Variants in HNRNPLL observed in about 807,000 individuals in gnomAD.
The protein encoded by HNRNPLL is heterogeneous nuclear ribonucleoprotein L-like.
In HNRNPLL, 25 loss-of-function variants were observed where a neutral mutation model predicts 67.1. The observed-to-expected ratio is 0.37, with a 90% CI of 0.27 to 0.52. The LOEUF is 0.52. Ranked by LOEUF, HNRNPLL falls within the 20% of genes least tolerant of loss-of-function variation. The pLI is 0.90. For missense variants in HNRNPLL, 542 were observed against 673.9 expected (o/e 0.80, Z 2.17); for synonymous variants, 267 against 241.7 (o/e 1.10, Z -0.97).
At chr2:38,579,412 T>A (rs1395987993) in intron 6 of HNRNPLL, among the ~76,000 whole-genome samples, 4 of 151,628 alleles carry the variant, frequency 2.6e-5, no homozygotes, top group Admixed American at 2.6e-4. Flanking sequence ...AGTATAATAA[T>A]AATAAAATAA....
chr2:38,577,782 C>G, intron 6 of HNRNPLL: 2 of 500,386 alleles, frequency 4.0e-6, no homozygotes, highest in South Asian at 4.1e-5. Flanking sequence ...TACAATCACA[C>G]TTTCAAATTT....
intron 1 of HNRNPLL, among the ~76,000 whole-genome samples, chr2:38,597,287 C>G (rs186783967): frequency 6.6e-6 from 1 of 152,312 alleles, no homozygotes; most frequent in East Asian, 1.9e-4. Context: ...GGCGAAATAT[C>G]CTCCAGGTTC....
In HNRNPLL at chr2:38,602,561, G is replaced by A. The variant is rs770205687; in HGVS notation, c.66C>T (p.Ala22=). Reference sequence around the variant, plus strand: ...CCCCCTCCTCGGTCTTGAGACGCTTGGCCTGGCTCTCGTACTCCCGGTCCT... The same window carrying A: ...CCCCCTCCTCGGTCTTGAGACGCTTAGCCTGGCTCTCGTACTCCCGGTCCT... The part of the protein sequence containing the change: ...YEEDREYESQ[A]KRLKTEEGEI... Residue 22 remains alanine, a synonymous_variant, in exon 1 of 13, where the codon GCC becomes GCT. Transcript: ENST00000449105. The A allele has an allele frequency of 1.5e-5, 24 of 1,570,782 alleles. No homozygotes were observed. Among genetic ancestry groups the A allele is most frequent in the Non-Finnish European group, 1.4e-5 (16 of 1,159,226 alleles).
At chr2:38,592,764 G>A (rs12996029) in intron 1 of HNRNPLL, among the ~76,000 whole-genome samples, 18,611 of 152,156 alleles carry the variant, frequency 0.12, 1,225 homozygotes, top group African/African-American at 0.13. Context: ...CTCTTGCATC[G>A]TAACTTCAGA....
At chr2:38,596,567 T>C (rs1377981927) in intron 1 of HNRNPLL, among the ~76,000 whole-genome samples, 4 of 152,176 alleles carry the variant, frequency 2.6e-5, no homozygotes, top group African/African-American at 9.7e-5. Flanking sequence ...CTGTAGAGAT[T>C]ATTTTACCTA....
intron 1 of HNRNPLL, among the ~76,000 whole-genome samples, chr2:38,593,904 G>T (rs1354985940): frequency 2.0e-5 from 3 of 148,728 alleles, no homozygotes; most frequent in Admixed American, 1.4e-4. Flanking sequence ...GCCGGGCACA[G>T]TGGCTTACGC....
rs895408164 is a variant in HNRNPLL, at chr2:38,562,537, A to G, written c.*1645T>C. 3 of 152,148 alleles carry G rather than the reference A, an allele frequency of 2.0e-5. No individual in the cohort carries two copies. Among genetic ancestry groups the G allele is most frequent in the African/African-American group, 7.2e-5 (3 of 41,456 alleles). The allele number at this position is 152,148 out of a possible 1,614,324, so 9.4% of individuals were successfully genotyped here. A position where few individuals can be genotyped will look rare whatever the true frequency, so the allele number is the denominator to read the frequency against. ...CAAAATTAAGGTATTTCAATTTTTC[A>G]AAAGAGGTAGAAAAGTATTTATAGG... On this transcript the variant is annotated 3_prime_UTR_variant, in exon 13 of 13. Coordinates refer to ENST00000449105, the MANE Select transcript of HNRNPLL (RefSeq NM_138394.4).
chr2:38,583,992 G>C (rs566890742), intron 3 of HNRNPLL, 66 bp from the exon 4 acceptor site: 2 of 635,996 alleles, frequency 3.1e-6, no homozygotes, highest in Middle Eastern at 3.7e-4. Flanking sequence ...GCTATACTTC[G>C]TTTTGTTTTA....
At chr2:38,588,922 A>C (rs983170813) in intron 2 of HNRNPLL, among the ~76,000 whole-genome samples, 5 of 152,176 alleles carry the variant, frequency 3.3e-5, no homozygotes, top group African/African-American at 4.8e-5. Flanking sequence ...AAAAAAGCTA[A>C]GGGACATGGT....
intron 7 of HNRNPLL, among the ~76,000 whole-genome samples, chr2:38,574,229 G>A (rs954298892): frequency 2.6e-5 from 4 of 151,812 alleles, no homozygotes; most frequent in African/African-American, 7.2e-5. Flanking sequence ...TAAAGCTAGA[G>A]TGTAGAATGA....
chr2:38,567,879 T>C (rs1191908233), intron 12 of HNRNPLL, among the ~76,000 whole-genome samples: 1 of 152,092 alleles, frequency 6.6e-6, no homozygotes, highest in African/African-American at 2.4e-5. Context: ...AGCCCTGAGA[T>C]TACTGCAGAC....
At chr2:38,587,201 C>G (rs1239050058) in intron 2 of HNRNPLL, among the ~76,000 whole-genome samples, 5 of 152,160 alleles carry the variant, frequency 3.3e-5, no homozygotes, top group Non-Finnish European at 7.4e-5. Flanking sequence ...AAGAAAGAAA[C>G]AGATCACCTT....
chr2:38,597,452 A>G (rs1667240822), intron 1 of HNRNPLL, among the ~76,000 whole-genome samples: 2 of 152,350 alleles, frequency 1.3e-5, no homozygotes, highest in South Asian at 4.1e-4. Context: ...CTTAATATAG[A>G]ACAAAGGACA....
intron 2 of HNRNPLL, among the ~76,000 whole-genome samples, chr2:38,587,451 T>G (rs2148368821): frequency 6.6e-6 from 1 of 152,290 alleles, no homozygotes; most frequent in African/African-American, 2.4e-5. Context: ...TCTAGGGGAC[T>G]TATTAGTTTT....
intron 12 of HNRNPLL, chr2:38,565,985 T>C (rs1177801018): frequency 1.1e-6 from 1 of 947,598 alleles, no homozygotes. Flanking sequence ...TTTCTCTTTT[T>C]TAAACCATCA....
chr2:38,578,254 AT>A (rs1016905060), intron 6 of HNRNPLL, among the ~76,000 whole-genome samples: 3 of 152,050 alleles, frequency 2.0e-5, no homozygotes, highest in African/African-American at 4.8e-5. Flanking sequence ...CTAAAGGATA[AT>A]TTTTATTCTA....
chr2:38,574,446 C>G (rs1666220212), intron 7 of HNRNPLL, among the ~76,000 whole-genome samples: 1 of 151,836 alleles, frequency 6.6e-6, no homozygotes, highest in African/African-American at 2.4e-5. Flanking sequence ...ATGTGCAAAA[C>G]CAATCCAAAA....
intron 6 of HNRNPLL, among the ~76,000 whole-genome samples, chr2:38,577,766 G>A (rs571282744): frequency 4.6e-5 from 7 of 152,010 alleles, no homozygotes; most frequent in Non-Finnish European, 1.0e-4. Flanking sequence ...TTTGGCAAAT[G>A]CCAAATACAA....
chr2:38,567,057 G>A (rs1367361555), intron 12 of HNRNPLL, among the ~76,000 whole-genome samples: 1 of 151,974 alleles, frequency 6.6e-6, no homozygotes, highest in Non-Finnish European at 1.5e-5. Context: ...TATAGTAAGT[G>A]AAAACAGCAA....
Sources: allele counts gnomAD v4.1 joint callset (sites outside exome capture counted in the v4.1 genomes callset), GRCh38; gene constraint gnomAD v4.1.1; transcripts MANE v1.5; gene names NCBI Gene and HGNC (gene_info 2026-07-23, HGNC 2026-07-21).